Variants in ENPEP observed in about 807,000 individuals in gnomAD.
ENPEP encodes the protein AP-A.
ENPEP carries 103 observed loss-of-function variants against 114.5 expected under a neutral mutation model. The ratio of observed to expected loss-of-function variants is 0.90; its 90% CI spans 0.77 to 1.06. The LOEUF (loss-of-function observed/expected upper bound fraction) is 1.06. Ranked by LOEUF, ENPEP falls within the 50% of genes least tolerant of loss-of-function variation. The pLI, the probability that ENPEP is intolerant of heterozygous loss-of-function variation, is 0.00. For synonymous variants in ENPEP, 420 were observed against 422.0 expected, an observed-to-expected ratio of 1.00 and a Z score of 0.06; for missense variants, 1,196 against 1,161.3, an observed-to-expected ratio of 1.03 and a Z score of -0.43.
chr4:110,507,980 C>T, intron 4 of ENPEP, among the ~76,000 whole-genome samples: 1 of 152,084 alleles, frequency 6.6e-6, no homozygotes, highest in African/African-American at 2.4e-5. Flanking sequence ...TTAAAAATAT[C>T]AGAATAATAT....
rs1049101835 is a variant in ENPEP, at chr4:110,513,518, C to T, written c.1412C>T (p.Thr471Ile). The T allele has an allele frequency of 6.2e-7, 1 of 1,613,234 alleles. No individual in the cohort carries two copies. The highest frequency in any genetic ancestry group is 8.5e-7 in the Non-Finnish European group (1 of 1,179,486). Residue 471 changes from threonine to isoleucine, a missense_variant, in exon 7 of 20, where the codon ACA (threonine) becomes ATA (isoleucine). Physicochemically the swap from Thr to Ile is moderately conservative, Grantham distance 89. Transcript: ENST00000265162. The part of the protein sequence containing the change: ...IVTVTTPDEI[T>I]SVFDGISYSK... ...ACTGTGACAACCCCTGATGAAATAACATCTGTTTTTGATGGAATATCCTAT... is the reference window on the plus strand; with the variant it reads ...ACTGTGACAACCCCTGATGAAATAATATCTGTTTTTGATGGAATATCCTAT...
intron 13 of ENPEP, among the ~76,000 whole-genome samples, chr4:110,543,443 G>C (rs1726930029): frequency 6.6e-6 from 1 of 152,036 alleles, no homozygotes; most frequent in African/African-American, 2.4e-5. Context: ...CTGTGAGCCC[G>C]AGCCCAGTGT....
intron 2 of ENPEP, among the ~76,000 whole-genome samples, chr4:110,489,197 T>C (rs911342644): frequency 3.3e-5 from 5 of 151,564 alleles, no homozygotes; most frequent in African/African-American, 1.2e-4. Flanking sequence ...GAAGTGCTTG[T>C]TAAATGTCTG....
chr4:110,561,229 T>C (rs1241314160), intron 19 of ENPEP, among the ~76,000 whole-genome samples, 177 bp from the exon 20 acceptor site: 1 of 152,184 alleles, frequency 6.6e-6, no homozygotes, highest in Non-Finnish European at 1.5e-5. Flanking sequence ...CATGGGTAAC[T>C]ATTGCTAATC....
At chr4:110,556,607 T>C (rs1227489433) in intron 18 of ENPEP, among the ~76,000 whole-genome samples, 7 of 152,128 alleles carry the variant, frequency 4.6e-5, no homozygotes, top group Non-Finnish European at 8.8e-5. Context: ...TTTTTTAATG[T>C]CCTTGACAAT....
intron 10 of ENPEP, among the ~76,000 whole-genome samples, chr4:110,528,595 A>G (rs913237582): frequency 2.6e-5 from 4 of 152,224 alleles, no homozygotes; most frequent in Non-Finnish European, 4.4e-5. Context: ...TCACCCATGT[A>G]TAAGTTATTG....
At chr4:110,505,233 G>A (rs1725330699) in intron 3 of ENPEP, among the ~76,000 whole-genome samples, 1 of 152,058 alleles carries the variant, frequency 6.6e-6, no homozygotes, top group Non-Finnish European at 1.5e-5. Flanking sequence ...TTCACAAAGA[G>A]GACAGGAGGG....
At chr4:110,548,405 C>T (rs1350627103) in intron 14 of ENPEP, 79 bp downstream of exon 14, 5 of 1,237,336 alleles carry the variant, frequency 4.0e-6, no homozygotes, top group Non-Finnish European at 5.3e-6. Context: ...AGAGAAGGAG[C>T]TCTTGGGGAC....
intron 8 of ENPEP, chr4:110,515,809 G>T: frequency 2.2e-6 from 1 of 458,186 alleles, no homozygotes; most frequent in Non-Finnish European, 4.4e-6. Flanking sequence ...AGATCAAAGT[G>T]CTGGCTGATT....
chr4:110,553,400 G>A lies in ENPEP; in HGVS notation c.2587G>A (p.Gly863Arg), dbSNP rs1309189237. 8.1e-6 allele frequency: 13 copies of A among 1,611,138 alleles called. No individual in the cohort carries two copies. Among genetic ancestry groups the A allele is most frequent in the Non-Finnish European group, 1.1e-5 (13 of 1,178,138 alleles). ...TCGATATATCTCATATAACAGCTAT[G>A]GGAAGAACATGGCCTGGAATTGGAT... The part of the protein sequence containing the change: ...VIRYISYNSY[G>R]KNMAWNWIQL... The change falls in exon 18 of 20, where the codon GGG becomes AGG. Residue 863 changes from glycine to arginine, a missense_variant. Coordinates refer to ENST00000265162, the MANE Select transcript of ENPEP (RefSeq NM_001977.4).
chr4:110,540,926 C>G (rs1726823825), intron 11 of ENPEP, among the ~76,000 whole-genome samples: 1 of 152,080 alleles, frequency 6.6e-6, no homozygotes, highest in Admixed American at 6.6e-5. Flanking sequence ...ACAGAGGGGT[C>G]AAGTGATCTG....
intron 3 of ENPEP, among the ~76,000 whole-genome samples, chr4:110,504,628 A>C (rs1210896511): frequency 6.6e-6 from 1 of 152,172 alleles, no homozygotes; most frequent in Non-Finnish European, 1.5e-5. Context: ...ATTTCTATGG[A>C]CTTGAGTTTC....
intron 13 of ENPEP, 128 bp from the exon 14 acceptor site, chr4:110,548,048 A>G (rs1727133461): frequency 2.8e-6 from 3 of 1,078,436 alleles, no homozygotes; most frequent in African/African-American, 1.6e-5. Context: ...TGATTGTTGA[A>G]TGGAAGAATC....
Position 110,549,776 on chromosome 4 carries a change from G to A in ENPEP, c.2391G>A (p.Glu797=), listed in dbSNP as rs777345572. ...ATGGGATGCAGAACTCTGGCAATGA[G>A]ATTTCATGGAACTACACTCTTGAGC... The part of the protein sequence containing the change: ...YRYGMQNSGN[E]ISWNYTLEQY... The change falls in exon 17 of 20, where the codon GAG becomes GAA. Residue 797 remains glutamate (E), a synonymous_variant. Coordinates refer to ENST00000265162, the MANE Select transcript of ENPEP (RefSeq NM_001977.4). The A allele has an allele frequency of 1.2e-6, 2 of 1,613,414 alleles. No individual in the cohort carries two copies. Among genetic ancestry groups the A allele is most frequent in the Admixed American group, 3.3e-5 (2 of 59,894 alleles).
At chr4:110,493,603 G>A (rs1250483607) in intron 3 of ENPEP, among the ~76,000 whole-genome samples, 1 of 152,120 alleles carries the variant, frequency 6.6e-6, no homozygotes, top group Non-Finnish European at 1.5e-5. Flanking sequence ...TCCTTTAAAA[G>A]TTGAACAGAA....
At chr4:110,549,294 C>A in intron 14 of ENPEP, 52 bp from the exon 15 acceptor site, 3 of 1,406,854 alleles carry the variant, frequency 2.1e-6, no homozygotes, top group South Asian at 1.2e-5. Context: ...AATTGGGATA[C>A]TACTGATATG....
Position 110,542,743 on chromosome 4 carries a change from T to C in ENPEP, c.1808-8T>C, listed in dbSNP as rs755493381. The C allele has an allele frequency of 6.2e-7, 1 of 1,609,420 alleles. No homozygotes were observed. ...ATGTTGCTCATTAGTGTTTATTTAC[T>C]ACTACAGGAATCACTTTGAACTCCT... On this transcript the variant is annotated splice_region_variant and splice_polypyrimidine_tract_variant and intron_variant, in intron 11 of 19. Transcript: ENST00000265162.
chr4:110,487,990 A>G (rs986235888), intron 1 of ENPEP, among the ~76,000 whole-genome samples: 46 of 152,220 alleles, frequency 3.0e-4, no homozygotes, highest in South Asian at 1.0e-3. Context: ...CTGCCTTTAC[A>G]TGAAAATGAA....
rs868320977 is a variant in ENPEP, at chr4:110,556,309, C to T, written c.2642+2854C>T. Among the ~76,000 whole-genome samples the T allele has an allele frequency of 2.6e-5, 4 of 151,634 alleles. No individual in the cohort carries two copies. In the South Asian group the frequency reaches 8.3e-4, roughly 32 times the overall value. ...AACTCCTATTGTCATATTACTGTTT[C>T]TCCTTGAGTTTTTCCATGGCTGTTT... is the stretch of plus-strand genomic sequence containing the variant. On this transcript the variant is annotated intron_variant, in intron 18 of 19. Transcript: ENST00000265162.
Sources: gnomAD v4.1 joint callset for allele counts (sites outside exome capture counted in the v4.1 genomes callset) on GRCh38, gnomAD v4.1.1 for gene constraint, MANE v1.5 for transcripts, NCBI Gene and HGNC (gene_info 2026-07-23, HGNC 2026-07-21) for gene names.